Variants in VPS36 observed in about 807,000 individuals in gnomAD.
VPS36 encodes the protein vacuolar protein sorting 36 homolog, also known as vacuolar protein-sorting-associated protein 36.
Under a neutral mutation model 63.5 loss-of-function variants are expected in VPS36, and 31 were observed. The observed-to-expected ratio is 0.49, with a 90% CI of 0.37 to 0.66. The LOEUF (loss-of-function observed/expected upper bound fraction) is 0.66, where lower values mean the gene tolerates loss of function less well. VPS36 is among the 30% of genes least tolerant of loss of function. The probability of loss-of-function intolerance (pLI) is 0.00; values close to 1 mark genes in which losing one functional copy is unlikely to be tolerated. For missense variants in VPS36, 338 were observed against 463.7 expected, an observed-to-expected ratio of 0.73 and a Z score of 2.49; for synonymous variants, 138 against 157.2, an observed-to-expected ratio of 0.88 and a Z score of 0.91.
At chr13:52,439,547 A>G (rs1958253315) in intron 2 of VPS36, among the ~76,000 whole-genome samples, 2 of 151,822 alleles carry the variant, frequency 1.3e-5, no homozygotes, top group Admixed American at 6.6e-5. Flanking sequence ...CTGGGTTAAC[A>G]CCATTCTCCT....
intron 10 of VPS36, among the ~76,000 whole-genome samples, chr13:52,418,728 C>T (rs565298327): frequency 1.6e-4 from 24 of 152,044 alleles, no homozygotes; most frequent in East Asian, 7.7e-4. Flanking sequence ...TTATTTTGTA[C>T]GAAGTCTTCT....
At chr13:52,450,421 G>C in intron 1 of VPS36, 78 bp downstream of exon 1, 1 of 1,450,680 alleles carries the variant, frequency 6.9e-7, no homozygotes, top group Middle Eastern at 1.8e-4. Context: ...GCGCCGACCC[G>C]GGCCGCGCTG....
chr13:52,420,401 C>T (rs558908889), intron 10 of VPS36, among the ~76,000 whole-genome samples: 1 of 151,822 alleles, frequency 6.6e-6, no homozygotes, highest in Non-Finnish European at 1.5e-5. Flanking sequence ...GGCGTGATCT[C>T]GGCTCACTGC....
intron 10 of VPS36, among the ~76,000 whole-genome samples, chr13:52,420,358 A>C (rs887601779): frequency 6.6e-6 from 1 of 151,726 alleles, no homozygotes; most frequent in Non-Finnish European, 1.5e-5. Flanking sequence ...TTTGAGATGC[A>C]GTCTTGCTCT....
intron 1 of VPS36, among the ~76,000 whole-genome samples, chr13:52,445,150 T>TA (rs1854091162): frequency 6.6e-6 from 1 of 152,198 alleles, no homozygotes; most frequent in African/African-American, 2.4e-5. Context: ...GAATAGACCT[T>TA]ATGAGTCCAT....
intron 1 of VPS36, among the ~76,000 whole-genome samples, chr13:52,446,099 T>TA (rs1958339718): frequency 1.5e-5 from 2 of 137,292 alleles, no homozygotes; most frequent in African/African-American, 2.7e-5. Context: ...AAATAAAAAA[T>TA]AAAAAATAAA....
In VPS36 at chr13:52,413,240, A is replaced by G. The variant is rs1957963426; in HGVS notation, c.*2590T>C. The G allele has an allele frequency of 6.6e-6, 1 of 152,288 alleles. No individual in the cohort carries two copies. Among genetic ancestry groups the G allele is most frequent in the Non-Finnish European group, 1.5e-5 (1 of 68,050 alleles). 9.4% of individuals were successfully genotyped at this position (152,288 alleles called of 1,614,324 possible). A position where few individuals can be genotyped will look rare whatever the true frequency, so the allele number is the denominator to read the frequency against. The stretch of plus-strand genomic sequence containing the variant: ...TCTCAGATTAATCTGGTAACAAGGA[A>G]CAAGAAAGAGTACATTCATCTGAAT... On this transcript the variant is annotated 3_prime_UTR_variant, in exon 14 of 14. Coordinates refer to ENST00000378060, the MANE Select transcript of VPS36 (RefSeq NM_016075.4).
intron 1 of VPS36, among the ~76,000 whole-genome samples, chr13:52,443,222 AATC>A (rs1325153001): frequency 1.3e-5 from 2 of 152,208 alleles, no homozygotes; most frequent in Non-Finnish European, 2.9e-5. Flanking sequence ...ACTCGAAAAA[AATC>A]ATGAGATAAT....
At chr13:52,440,165 G>A (rs1232198722) in intron 2 of VPS36, among the ~76,000 whole-genome samples, 3 of 151,814 alleles carry the variant, frequency 2.0e-5, no homozygotes, top group Non-Finnish European at 4.4e-5. Flanking sequence ...TTTTAGGAGA[G>A]AAGGACTTTC....
intron 4 of VPS36, 90 bp from the exon 5 acceptor site, chr13:52,434,972 T>A: frequency 7.7e-5 from 16 of 206,868 alleles, no homozygotes; most frequent in Non-Finnish European, 1.3e-4. Flanking sequence ...TCTTTTTTTC[T>A]TTTTTTTTTT....
At chr13:52,436,221 A>G in intron 4 of VPS36, 69 bp downstream of exon 4, 1 of 678,830 alleles carries the variant, frequency 1.5e-6, no homozygotes. Context: ...AAGCCACAAC[A>G]CACACACACA....
At chr13:52,424,783 C>T (rs1958081604) in intron 9 of VPS36, among the ~76,000 whole-genome samples, 2 of 151,992 alleles carry the variant, frequency 1.3e-5, no homozygotes, top group South Asian at 4.1e-4. Context: ...GTCAGGAGTT[C>T]GAGACTAGCC....
At chr13:52,422,538 C>T (rs772266741) in intron 10 of VPS36, among the ~76,000 whole-genome samples, 1 of 152,120 alleles carries the variant, frequency 6.6e-6, no homozygotes, top group Non-Finnish European at 1.5e-5. Context: ...ATCTGTTTTG[C>T]TCCTCTCCCT....
chr13:52,430,843 G>A (rs971212413), intron 6 of VPS36, among the ~76,000 whole-genome samples: 2 of 150,160 alleles, frequency 1.3e-5, no homozygotes, highest in East Asian at 3.9e-4. Flanking sequence ...CTTTTAAGGG[G>A]AAAAAATAAA....
intron 10 of VPS36, among the ~76,000 whole-genome samples, chr13:52,422,552 C>G (rs536745945): frequency 6.0e-4 from 92 of 152,266 alleles, no homozygotes; most frequent in Admixed American, 1.4e-3. Flanking sequence ...TCTCCCTCCC[C>G]CTAGTCTCTA....
In VPS36 at chr13:52,418,075, C is replaced by T. The variant is rs1958009362; in HGVS notation, c.841-19G>A. ...AGAGCAACTAATAGGGAAAAAAAATCCAGTAATGCTATACAATGGTAATGA... is the reference window on the plus strand; with the variant it reads ...AGAGCAACTAATAGGGAAAAAAAATTCAGTAATGCTATACAATGGTAATGA... On this transcript the variant is annotated intron_variant, in intron 10 of 13. Coordinates refer to ENST00000378060, the MANE Select transcript of VPS36 (RefSeq NM_016075.4). 6.2e-7 allele frequency: 1 copy of T among 1,601,036 alleles called. No homozygotes were observed. Among genetic ancestry groups the T allele is most frequent in the Non-Finnish European group, 8.5e-7 (1 of 1,170,356 alleles).
rs1190155436 is a variant in VPS36, at chr13:52,414,427, T to G, written c.*1403A>C. 1 of 152,212 alleles carries G rather than the reference T, an allele frequency of 6.6e-6. No homozygotes were observed. The highest frequency in any genetic ancestry group is 1.5e-5 in the Non-Finnish European group (1 of 68,074). 9.4% of individuals were successfully genotyped at this position (152,212 alleles called of 1,614,324 possible). ...AAAACAAAAACTAAAGTGGGATGTC[T>G]CAGGCACAGCATTCCTGTGACACTG... On this transcript the variant is annotated 3_prime_UTR_variant, in exon 14 of 14. Coordinates refer to ENST00000378060, the MANE Select transcript of VPS36 (RefSeq NM_016075.4).
intron 2 of VPS36, among the ~76,000 whole-genome samples, chr13:52,439,850 T>G (rs1189460230): frequency 1.3e-5 from 2 of 152,236 alleles, no homozygotes; most frequent in Non-Finnish European, 1.5e-5. Context: ...CAAGATAATT[T>G]TAAGGAGGGC....
chr13:52,436,474 C>G, intron 3 of VPS36, 70 bp from the exon 4 acceptor site: 1 of 1,093,546 alleles, frequency 9.1e-7, no homozygotes, highest in Non-Finnish European at 1.3e-6. Context: ...ACTTTTATAA[C>G]TTTTTATGTA....
Sources: gnomAD v4.1 joint callset for allele counts (sites outside exome capture counted in the v4.1 genomes callset) on GRCh38, gnomAD v4.1.1 for gene constraint, MANE v1.5 for transcripts, NCBI Gene and HGNC (gene_info 2026-07-23, HGNC 2026-07-21) for gene names.